The following RPE65 variants were observed in gnomAD, a reference collection of about 807,000 sequenced individuals.
The protein encoded by RPE65 is retinoid isomerohydrolase.
A neutral mutation model predicts 68.5 loss-of-function variants in RPE65; 58 were observed. The ratio of observed to expected loss-of-function variants is 0.85; its 90% CI spans 0.69 to 1.05. The LOEUF (loss-of-function observed/expected upper bound fraction) is 1.05, where lower values mean the gene tolerates loss of function less well. Among genes scored for constraint, RPE65 ranks in the 50% least tolerant of loss-of-function variants. RPE65 has a pLI of 0.00. For synonymous variants in RPE65, 220 were observed against 222.2 expected (o/e 0.99, Z 0.09); for missense variants, 643 against 629.9 (o/e 1.02, Z -0.22).
intron 9 of RPE65, 58 bp from the exon 10 acceptor site, chr1:68,438,374 T>C: frequency 5.0e-6 from 8 of 1,592,348 alleles, no homozygotes; most frequent in African/African-American, 2.7e-5. Context: ...TTTAGAGAGA[T>C]GATTCTTGCC....
In RPE65 at chr1:68,431,119, A is replaced by G. The variant is rs751747069; in HGVS notation, c.1396T>C (p.Tyr466His). 3.7e-6 allele frequency: 6 copies of G among 1,613,836 alleles called. No homozygotes were observed. Among genetic ancestry groups the G allele is most frequent in the Non-Finnish European group, 5.1e-6 (6 of 1,179,804 alleles). Residue 466 changes from tyrosine to histidine, a missense_variant, in exon 13 of 14, where the codon TAC becomes CAC. By Grantham distance (83) the Tyr-to-His change is moderately conservative. Coordinates refer to ENST00000262340, the MANE Select transcript of RPE65 (RefSeq NM_000329.3). ...GAAACAAAGATGGGTTCTGATGGGT[A>G]TGAATCAGGCTCTTGCCAAACCCAA... ...ETWVWQEPDS[Y>H]PSEPIFVSHP... is the part of the protein sequence containing the mutation.
At position 68,439,611 on chromosome 1, in the gene RPE65, G is replaced by C. The variant is rs114379164; in HGVS notation, c.675C>G (p.Ile225Met). ...DKEDPISKSEIVVQFPCSDRF... is the reference protein window; with the variant it reads ...DKEDPISKSEMVVQFPCSDRF... ...GGTCACTGCAGGGGAATTGTACAAC[G>C]ATCTCTGACTTGCTTATTGGATCTT... The change falls in exon 7 of 14, where the codon ATC becomes ATG. Residue 225 changes from isoleucine (I) to methionine (M), a missense_variant. Transcript: ENST00000262340. The C allele has an allele frequency of 3.5e-4, 566 of 1,613,850 alleles. 2 individuals are homozygous for C. In the African/African-American group the frequency reaches 6.8e-3, roughly 19 times the overall value.
At chr1:68,436,150 T>G (rs895054290) in intron 10 of RPE65, among the ~76,000 whole-genome samples, 2 of 152,196 alleles carry the variant, frequency 1.3e-5, no homozygotes, top group Non-Finnish European at 2.9e-5. Context: ...TAAAGATGAT[T>G]GTGATTTTTA....
Position 68,431,380 on chromosome 1 carries a change from C to T in RPE65, c.1244-4G>A, listed in dbSNP as rs745528226. The stretch of plus-strand genomic sequence containing the variant: ...TTGATTTGAGGAAACTCAAATGCTA[C>T]GAAATAGAGCACATGCTTAGGAAAA... On this transcript the variant is annotated splice_polypyrimidine_tract_variant and splice_region_variant and intron_variant, in intron 11 of 13. Coordinates refer to ENST00000262340, the MANE Select transcript of RPE65 (RefSeq NM_000329.3). 26 of 1,613,648 alleles carry T rather than the reference C, an allele frequency of 1.6e-5. No homozygotes were observed. Among genetic ancestry groups the T allele is most frequent in the Admixed American group, 5.0e-5 (3 of 59,952 alleles).
chr1:68,439,353 T>G (rs1645883588), intron 7 of RPE65, 30 bp from the exon 8 acceptor site: 1 of 1,611,406 alleles, frequency 6.2e-7, no homozygotes, highest in African/African-American at 1.3e-5. Flanking sequence ...GGCTTGTGAA[T>G]GAAAGGGCTG....
Sources: allele counts gnomAD v4.1 joint callset (sites outside exome capture counted in the v4.1 genomes callset), GRCh38; gene constraint gnomAD v4.1.1; transcripts MANE v1.5; gene names NCBI Gene and HGNC (gene_info 2026-07-23, HGNC 2026-07-21).